Variants in FLRT2 observed in about 807,000 individuals in gnomAD.
The protein encoded by FLRT2 is fibronectin leucine rich transmembrane protein 2.
A neutral mutation model predicts 40.0 loss-of-function variants in FLRT2; 15 were observed. The ratio of observed to expected loss-of-function variants is 0.38; its 90% CI spans 0.25 to 0.58. FLRT2 has a LOEUF of 0.58. Among genes scored for constraint, FLRT2 ranks in the 20% least tolerant of loss-of-function variants. FLRT2 has a pLI of 0.71. For synonymous variants in FLRT2, 380 were observed against 336.8 expected, an observed-to-expected ratio of 1.13 and a Z score of -1.41; for missense variants, 726 against 840.0, an observed-to-expected ratio of 0.86 and a Z score of 1.68.
chr14:85,621,395 C>T lies in FLRT2; in HGVS notation c.-120C>T, dbSNP rs992605179. On this transcript the variant is annotated 5_prime_UTR_variant, in exon 2 of 2. Coordinates refer to ENST00000330753, the MANE Select transcript of FLRT2 (RefSeq NM_013231.6). ...TTTTACCATACGCCCTCAGGACGTTCCCTCTAGCTGGAGTTCTGGACTTCA... is the reference window on the plus strand; with the variant it reads ...TTTTACCATACGCCCTCAGGACGTTTCCTCTAGCTGGAGTTCTGGACTTCA... 2.3e-5 allele frequency: 20 copies of T among 862,466 alleles called. No individual in the cohort carries two copies. The highest frequency in any genetic ancestry group is 3.3e-5 in the Non-Finnish European group (19 of 572,218). 53.4% of individuals were successfully genotyped at this position (862,466 alleles called of 1,614,324 possible). A position where few individuals can be genotyped will look rare whatever the true frequency, so the allele number is the denominator to read the frequency against.
At chr14:85,560,661 T>C (rs1048757675) in intron 1 of FLRT2, among the ~76,000 whole-genome samples, 2 of 151,344 alleles carry the variant, frequency 1.3e-5, no homozygotes, top group South Asian at 4.2e-4. Context: ...GGCTGGCTCC[T>C]CATAAAGCAG....
intron 1 of FLRT2, among the ~76,000 whole-genome samples, chr14:85,592,144 A>T (rs1891917969): frequency 6.6e-6 from 1 of 152,148 alleles, no homozygotes; most frequent in African/African-American, 2.4e-5. Context: ...AAAACAAAAA[A>T]AATATTTTAT....
intron 1 of FLRT2, among the ~76,000 whole-genome samples, chr14:85,564,201 G>A (rs1298388667): frequency 2.6e-5 from 4 of 152,100 alleles, no homozygotes; most frequent in Non-Finnish European, 5.9e-5. Flanking sequence ...CAGCCAAATG[G>A]CATTGTTTTC....
Position 85,652,627 on chromosome 14 carries a change from A to G in FLRT2, c.*29130A>G, listed in dbSNP as rs536888723. On this transcript the variant is annotated 3_prime_UTR_variant, in exon 2 of 2. Coordinates refer to ENST00000330753, the MANE Select transcript of FLRT2 (RefSeq NM_013231.6). ...ATGACTTATTAGGCCACAGTTAAAT[A>G]TGAGCTTCATCTATTAGTGAGTCAA... 1 of 152,286 alleles carries G rather than the reference A, an allele frequency of 6.6e-6. No individual in the cohort carries two copies. The highest frequency in any genetic ancestry group is 2.4e-5 in the African/African-American group (1 of 41,588). 9.4% of individuals were successfully genotyped at this position (152,286 alleles called of 1,614,324 possible).
At position 85,640,562 on chromosome 14, in the gene FLRT2, T is replaced by C. The variant is rs1894127622; in HGVS notation, c.*17065T>C. On this transcript the variant is annotated 3_prime_UTR_variant, in exon 2 of 2. Transcript: ENST00000330753. ...CAGAATTATTTAATAATAATGGTAATAATGACTAAGTTCTCTCATCAAGGT... is the reference window on the plus strand; with the variant it reads ...CAGAATTATTTAATAATAATGGTAACAATGACTAAGTTCTCTCATCAAGGT... The C allele has an allele frequency of 6.6e-6, 1 of 152,196 alleles. No individual in the cohort carries two copies. The highest frequency in any genetic ancestry group is 2.1e-4 in the South Asian group (1 of 4,828). The allele number at this position is 152,196 out of a possible 1,614,324, so 9.4% of individuals were successfully genotyped here.
At chr14:85,550,757 G>A (rs1391438633) in intron 1 of FLRT2, among the ~76,000 whole-genome samples, 1 of 152,020 alleles carries the variant, frequency 6.6e-6, no homozygotes, top group Non-Finnish European at 1.5e-5. Context: ...TTAAAACATG[G>A]ATATTAGAAC....
In FLRT2 at chr14:85,630,153, CT is replaced by C. The variant is rs1893827906; in HGVS notation, c.*6659del. 1 of 151,592 alleles carries C rather than the reference CT, an allele frequency of 6.6e-6. No homozygotes were observed. Among genetic ancestry groups the C allele is most frequent in the South Asian group, 2.1e-4 (1 of 4,822 alleles). The allele number at this position is 151,592 out of a possible 1,614,324, so 9.4% of individuals were successfully genotyped here. ...CCCATAACATAGATAAAAATGTGTG[CT>C]TTAGGGGATATTATATAAGCTTTAT... On this transcript the variant is annotated 3_prime_UTR_variant, in exon 2 of 2. Coordinates refer to ENST00000330753, the MANE Select transcript of FLRT2 (RefSeq NM_013231.6).
intron 1 of FLRT2, among the ~76,000 whole-genome samples, chr14:85,552,182 G>GT (rs1889668238): frequency 6.6e-6 from 1 of 152,164 alleles, no homozygotes; most frequent in Admixed American, 6.5e-5. Flanking sequence ...GGCAGTTCTA[G>GT]TAATTCTCTG....
chr14:85,562,108 G>C (rs1890366942), intron 1 of FLRT2, among the ~76,000 whole-genome samples: 1 of 152,160 alleles, frequency 6.6e-6, no homozygotes, highest in East Asian at 1.9e-4. Context: ...TTAGTTTTCT[G>C]ACAGTTTTTA....
rs962693387 is a variant in FLRT2 at position 85,637,118 on chromosome 14, A to C, written c.*13621A>C. On this transcript the variant is annotated 3_prime_UTR_variant, in exon 2 of 2. Transcript: ENST00000330753. The stretch of plus-strand genomic sequence containing the variant: ...AGATAAATGTAAACACATTTTACAC[A>C]TACAAATCTTTTCTGGCATGGGTAC... The C allele has an allele frequency of 6.6e-6, 1 of 152,178 alleles. No individual in the cohort carries two copies. The highest frequency in any genetic ancestry group is 1.5e-5 in the Non-Finnish European group (1 of 68,026). The allele number at this position is 152,178 out of a possible 1,614,324, so 9.4% of individuals were successfully genotyped here.
intron 1 of FLRT2, chr14:85,531,261 G>A (rs533290668): frequency 6.6e-6 from 1 of 152,484 alleles, no homozygotes; most frequent in South Asian, 2.1e-4. Flanking sequence ...CGCAGGGAGA[G>A]GGCGAATAAC....
At chr14:85,548,626 T>C (rs1889422243) in intron 1 of FLRT2, among the ~76,000 whole-genome samples, 1 of 152,240 alleles carries the variant, frequency 6.6e-6, no homozygotes, top group Non-Finnish European at 1.5e-5. Flanking sequence ...TTCGAAGACA[T>C]CTGGATGTTT....
At chr14:85,558,141 C>T (rs1890090127) in intron 1 of FLRT2, among the ~76,000 whole-genome samples, 2 of 152,270 alleles carry the variant, frequency 1.3e-5, no homozygotes, top group East Asian at 1.9e-4. Flanking sequence ...TCCATGTATT[C>T]TGTTTGCCCT....
chr14:85,591,770 G>A (rs1481241741), intron 1 of FLRT2, among the ~76,000 whole-genome samples: 1 of 152,168 alleles, frequency 6.6e-6, no homozygotes, highest in East Asian at 1.9e-4. Context: ...ATCTAGGGCG[G>A]TAGGCAACTA....
At chr14:85,550,904 T>C (rs1248281091) in intron 1 of FLRT2, among the ~76,000 whole-genome samples, 1 of 152,192 alleles carries the variant, frequency 6.6e-6, no homozygotes, top group Non-Finnish European at 1.5e-5. Context: ...CAAGAATAAT[T>C]AATCTGCTGG....
At chr14:85,603,719 T>C (rs1224765160) in intron 1 of FLRT2, among the ~76,000 whole-genome samples, 1 of 151,984 alleles carries the variant, frequency 6.6e-6, no homozygotes, top group East Asian at 1.9e-4. Context: ...AATACAAAAA[T>C]CTGCCAGGCA....
chr14:85,564,354 G>A (rs951745779), intron 1 of FLRT2, among the ~76,000 whole-genome samples: 4 of 152,140 alleles, frequency 2.6e-5, no homozygotes, highest in African/African-American at 7.2e-5. Flanking sequence ...AGTATTAAAA[G>A]AAACACTGGT....
chr14:85,541,019 A>G (rs1888957757), intron 1 of FLRT2, among the ~76,000 whole-genome samples: 1 of 152,264 alleles, frequency 6.6e-6, no homozygotes, highest in African/African-American at 2.4e-5. Context: ...GGGAGGAAGT[A>G]TGGTTATAGC....
At chr14:85,614,324 T>G (rs993823124) in intron 1 of FLRT2, among the ~76,000 whole-genome samples, 8 of 151,998 alleles carry the variant, frequency 5.3e-5, no homozygotes, top group African/African-American at 1.9e-4. Flanking sequence ...ATGATTTATA[T>G]CTAATCCTCC....
Sources: allele counts gnomAD v4.1 joint callset (sites outside exome capture counted in the v4.1 genomes callset), GRCh38; gene constraint gnomAD v4.1.1; transcripts MANE v1.5; gene names NCBI Gene and HGNC (gene_info 2026-07-23, HGNC 2026-07-21).